The following DUSP23 variants were observed in gnomAD, a reference collection of about 807,000 sequenced individuals.
DUSP23 encodes dual specificity protein phosphatase 23.
Under a neutral mutation model 13.3 loss-of-function variants are expected in DUSP23, and 10 were observed. The ratio of observed to expected loss-of-function variants is 0.75; its 90% CI spans 0.46 to 1.27. DUSP23 has a LOEUF of 1.27. DUSP23 is among the 50% of genes most tolerant of loss of function. DUSP23 has a pLI of 0.00. For missense variants in DUSP23, 228 were observed against 204.8 expected (o/e 1.11, Z -0.69); for synonymous variants, 107 against 95.3 (o/e 1.12, Z -0.72).
Position 159,782,158 on chromosome 1 carries a change from G to A in DUSP23, c.273G>A (p.Val91=), listed in dbSNP as rs1263234400. The A allele has an allele frequency of 6.2e-7, 1 of 1,614,054 alleles. No homozygotes were observed. The highest frequency in any genetic ancestry group is 1.7e-5 in the Admixed American group (1 of 60,024). The change falls in exon 2 of 2, where the codon GTG becomes GTA. Residue 91 remains valine (V), a synonymous_variant. Transcript: ENST00000368107. ...ATCGAGCCCCCTCTTCGTAGGCTGT[G>A]GGAGTGCACTGTGCTCTGGGCTTTG... The part of the protein sequence containing the change: ...VDEANARGEA[V]GVHCALGFGR...
chr1:159,781,459 T>TAACGC, intron 1 of DUSP23, 92 bp downstream of exon 1: 1 of 1,394,096 alleles, frequency 7.2e-7, no homozygotes, highest in Middle Eastern at 2.6e-4. Flanking sequence ...TGGGATAACT[T>TAACGC]AACTGGGCTC....
In DUSP23 at chr1:159,781,322, C is replaced by A. The variant is rs1180291828; in HGVS notation, c.222C>A (p.Ile74=). The change falls in exon 1 of 2, where the codon ATC becomes ATA. Residue 74 remains isoleucine, a synonymous_variant. Transcript: ENST00000368107. Reference sequence around the variant, plus strand: ...TCTGCCCGCCGGCCCCCGACCAGATCGACCGCTTCGTGCAGATCGTGGACG... The same window carrying A: ...TCTGCCCGCCGGCCCCCGACCAGATAGACCGCTTCGTGCAGATCGTGGACG... ...PDFCPPAPDQ[I]DRFVQIVDEA... The A allele has an allele frequency of 4.5e-6, 7 of 1,544,486 alleles. No individual in the cohort carries two copies. In the African/African-American group the frequency reaches 9.6e-5, roughly 21 times the overall value.
Position 159,781,237 on chromosome 1 carries a change from G to A in DUSP23, c.137G>A (p.Gly46Glu). ...CACCTGGTGTCCCTGACGGAGCGCG[G>A]GCCCCCTCACAGCGACAGCTGCCCC... The part of the protein sequence containing the change: ...VRHLVSLTER[G>E]PPHSDSCPGL... Residue 46 changes from glycine (G) to glutamate (E), a missense_variant, in exon 1 of 2, where the codon GGG becomes GAG. Physicochemically the swap from Gly to Glu is moderately conservative, Grantham distance 98. Coordinates refer to ENST00000368107, the MANE Select transcript of DUSP23 (RefSeq NM_001319658.2). The A allele has an allele frequency of 6.5e-7, 1 of 1,549,116 alleles. No homozygotes were observed. The highest frequency in any genetic ancestry group is 8.7e-7 in the Non-Finnish European group (1 of 1,146,320).
intron 1 of DUSP23, 40 bp downstream of exon 1, chr1:159,781,407 A>C (rs1185441505): frequency 1.4e-6 from 2 of 1,457,198 alleles, no homozygotes; most frequent in Non-Finnish European, 9.1e-7. Context: ...AGGGGCCTGG[A>C]AGGTCAGCGG....
chr1:159,781,517 A>T, intron 1 of DUSP23, 150 bp downstream of exon 1: 1 of 1,129,594 alleles, frequency 8.9e-7, no homozygotes, highest in East Asian at 2.7e-5. Flanking sequence ...AGTGCGGGGG[A>T]GGGAAGCGCT....
chr1:159,781,281 C>CT lies in DUSP23; in HGVS notation c.182dup (p.Arg62AlafsTer63). On this transcript the variant is annotated frameshift_variant, in exon 1 of 2. Coordinates refer to ENST00000368107, the MANE Select transcript of DUSP23 (RefSeq NM_001319658.2). LOFTEE classifies it high-confidence loss of function. ...CTGCCCCGGCCTCACCCTGCACCGCCTGCGCATCCCCGACTTCTGCCCGCC... is the reference window on the plus strand; with the variant it reads ...CTGCCCCGGCCTCACCCTGCACCGCCTTGCGCATCCCCGACTTCTGCCCGCC... The CT allele has an allele frequency of 6.5e-7, 1 of 1,547,574 alleles. No individual in the cohort carries two copies. The highest frequency in any genetic ancestry group is 1.4e-5 in the African/African-American group (1 of 72,912).
In DUSP23 at chr1:159,782,225, C is replaced by G; in HGVS notation, c.340C>G (p.Arg114Gly). The G allele has an allele frequency of 6.2e-7, 1 of 1,614,132 alleles. No individual in the cohort carries two copies. Among genetic ancestry groups the G allele is most frequent in the Non-Finnish European group, 8.5e-7 (1 of 1,180,028 alleles). Residue 114 changes from arginine to glycine, a missense_variant, in exon 2 of 2, where the codon CGG (arginine) becomes GGG (glycine). Arg to Gly is a moderately radical substitution (Grantham distance 125). Coordinates refer to ENST00000368107, the MANE Select transcript of DUSP23 (RefSeq NM_001319658.2). ...TMLACYLVKE[R>G]GLAAGDAIAE... ...GCTGGCCTGTTACCTGGTGAAGGAG[C>G]GGGGCTTGGCTGCAGGAGATGCCAT...
intron 1 of DUSP23, 142 bp from the exon 2 acceptor site, chr1:159,782,011 T>G: frequency 1.1e-6 from 1 of 894,522 alleles, no homozygotes; most frequent in Non-Finnish European, 1.7e-6. Context: ...AGCCACCTAG[T>G]GCAGGGACAG....
At chr1:159,781,462 C>G (rs564341682) in intron 1 of DUSP23, 95 bp downstream of exon 1, 53 of 1,396,652 alleles carry the variant, frequency 3.8e-5, no homozygotes, top group Non-Finnish European at 4.7e-5. Flanking sequence ...GATAACTTAA[C>G]TGGGCTCGGG....
Position 159,781,090 on chromosome 1 carries a change from C to CT in DUSP23, c.-8dup, listed in dbSNP as rs1439901219. ...CCCCCATGACCCGCTGTCCTGTGCC[C>CT]TTTCCCAGCGATGGGCGTGCAGCCC... On this transcript the variant is annotated 5_prime_UTR_variant, in exon 1 of 2. Transcript: ENST00000368107. The CT allele has an allele frequency of 1.9e-6, 3 of 1,540,188 alleles. No homozygotes were observed. The African/African-American group carries it at 4.1e-5, about 21-fold the overall frequency.
Position 159,781,089 on chromosome 1 carries a change from C to T in DUSP23, c.-12C>T. 2 of 1,539,890 alleles carry T rather than the reference C, an allele frequency of 1.3e-6. No individual in the cohort carries two copies. The highest frequency in any genetic ancestry group is 1.7e-6 in the Non-Finnish European group (2 of 1,145,722). ...GCCCCCATGACCCGCTGTCCTGTGC[C>T]CTTTCCCAGCGATGGGCGTGCAGCC... On this transcript the variant is annotated 5_prime_UTR_variant, in exon 1 of 2. Coordinates refer to ENST00000368107, the MANE Select transcript of DUSP23 (RefSeq NM_001319658.2).
chr1:159,782,483 G>A lies in DUSP23; in HGVS notation c.*145G>A, dbSNP rs934046874. ...CTGAAGTAGCCCACCCCTGCAGGCAGGTCCTGATTGAAGGGGAGGCTTGTA... is the reference window on the plus strand; with the variant it reads ...CTGAAGTAGCCCACCCCTGCAGGCAAGTCCTGATTGAAGGGGAGGCTTGTA... On this transcript the variant is annotated 3_prime_UTR_variant, in exon 2 of 2. Coordinates refer to ENST00000368107, the MANE Select transcript of DUSP23 (RefSeq NM_001319658.2). The A allele has an allele frequency of 3.1e-6, 3 of 957,526 alleles. No individual in the cohort carries two copies. Among genetic ancestry groups the A allele is most frequent in the Non-Finnish European group, 4.6e-6 (3 of 652,782 alleles). The allele number at this position is 957,526 out of a possible 1,614,324, so 59.3% of individuals were successfully genotyped here. A position where few individuals can be genotyped will look rare whatever the true frequency, so the allele number is the denominator to read the frequency against.
chr1:159,782,258 A>G lies in DUSP23; in HGVS notation c.373A>G (p.Ile125Val), dbSNP rs755551993. Residue 125 changes from isoleucine to valine, a missense_variant, in exon 2 of 2, where the codon ATC (isoleucine) becomes GTC (valine). Transcript: ENST00000368107. ...GLAAGDAIAE[I>V]RRLRPGSIET... Reference sequence around the variant, plus strand: ...GGCTGCAGGAGATGCCATTGCTGAAATCCGACGACTACGACCCGGCTCCAT... The same window carrying G: ...GGCTGCAGGAGATGCCATTGCTGAAGTCCGACGACTACGACCCGGCTCCAT... 4 of 1,614,086 alleles carry G rather than the reference A, an allele frequency of 2.5e-6. No individual in the cohort carries two copies. The highest frequency in any genetic ancestry group is 3.4e-6 in the Non-Finnish European group (4 of 1,180,002).
chr1:159,782,195 A>C lies in DUSP23; in HGVS notation c.310A>C (p.Thr104Pro). Residue 104 changes from threonine to proline, a missense_variant, in exon 2 of 2, where the codon ACC becomes CCC. Transcript: ENST00000368107. ...HCALGFGRTG[T>P]MLACYLVKER... ...TGCTCTGGGCTTTGGCCGCACTGGC[A>C]CCATGCTGGCCTGTTACCTGGTGAA... 1 of 1,614,124 alleles carries C rather than the reference A, an allele frequency of 6.2e-7. No individual in the cohort carries two copies. Among genetic ancestry groups the C allele is most frequent in the Non-Finnish European group, 8.5e-7 (1 of 1,180,014 alleles).
At chr1:159,781,429 G>A in intron 1 of DUSP23, 62 bp downstream of exon 1, 1 of 1,431,504 alleles carries the variant, frequency 7.0e-7, no homozygotes, top group Non-Finnish European at 9.1e-7. Flanking sequence ...GGACACGGGC[G>A]GAGCTGGGGA....
Position 159,782,402 on chromosome 1 carries a change from G to A in DUSP23, c.*64G>A. 1 of 1,569,196 alleles carries A rather than the reference G, an allele frequency of 6.4e-7. No individual in the cohort carries two copies. Among genetic ancestry groups the A allele is most frequent in the South Asian group, 1.2e-5 (1 of 86,308 alleles). ...TCCCCATGTTGTCGATGGGGCCAGA[G>A]ATGAAGGGAAGTGGACTAAAGTATT... On this transcript the variant is annotated 3_prime_UTR_variant, in exon 2 of 2. Transcript: ENST00000368107.
In DUSP23 at chr1:159,782,204, G is replaced by T. The variant is rs1661893928; in HGVS notation, c.319G>T (p.Ala107Ser). ...LGFGRTGTML[A>S]CYLVKERGLA... ...CTTTGGCCGCACTGGCACCATGCTG[G>T]CCTGTTACCTGGTGAAGGAGCGGGG... Residue 107 changes from alanine to serine, a missense_variant, in exon 2 of 2, where the codon GCC becomes TCC. Ala to Ser is a moderately conservative substitution (Grantham distance 99, BLOSUM62 1). Transcript: ENST00000368107. The T allele has an allele frequency of 6.2e-7, 1 of 1,614,054 alleles. No homozygotes were observed. The highest frequency in any genetic ancestry group is 1.7e-5 in the Admixed American group (1 of 60,010).
chr1:159,781,018 G>C lies in DUSP23; in HGVS notation c.-83G>C. On this transcript the variant is annotated 5_prime_UTR_variant, in exon 1 of 2. Coordinates refer to ENST00000368107, the MANE Select transcript of DUSP23 (RefSeq NM_001319658.2). ...GGTAGGTGGTGAGTTACTTGGCTCG[G>C]AGCGGGCGAGGGGACGCGTGGGCGG... is the stretch of plus-strand genomic sequence containing the variant. The C allele has an allele frequency of 6.9e-7, 1 of 1,445,896 alleles. No homozygotes were observed. The highest frequency in any genetic ancestry group is 9.1e-7 in the Non-Finnish European group (1 of 1,099,056). The allele number at this position is 1,445,896 out of a possible 1,614,324, so 89.6% of individuals were successfully genotyped here.
Position 159,781,373 on chromosome 1 carries a change from C to A in DUSP23, c.267+6C>A. On this transcript the variant is annotated splice_donor_region_variant and intron_variant, in intron 1 of 1. Coordinates refer to ENST00000368107, the MANE Select transcript of DUSP23 (RefSeq NM_001319658.2). ...AGGCCAACGCACGGGGAGAGGTCAG[C>A]GGGCGGGGTCAGCGCAGGGAGGGAG... 1 of 1,496,698 alleles carries A rather than the reference C, an allele frequency of 6.7e-7. No homozygotes were observed. Among genetic ancestry groups the A allele is most frequent in the South Asian group, 1.3e-5 (1 of 76,404 alleles). 92.7% of individuals were successfully genotyped at this position (1,496,698 alleles called of 1,614,324 possible).
Sources: allele counts gnomAD v4.1 joint callset, GRCh38; gene constraint gnomAD v4.1.1; transcripts MANE v1.5; gene names NCBI Gene and HGNC (gene_info 2026-07-23, HGNC 2026-07-21).